BRME1: variants seen among roughly 807,000 people sequenced by gnomAD.
BRME1 encodes the protein BRCA2 and MEILB2-associating protein 1.
BRME1 carries 31 observed loss-of-function variants against 52.6 expected under a neutral mutation model. The ratio of observed to expected loss-of-function variants is 0.59; its 90% CI spans 0.44 to 0.80. BRME1 has a LOEUF of 0.80. Ranked by LOEUF, BRME1 falls within the 30% of genes least tolerant of loss-of-function variation. The pLI, the probability that BRME1 is intolerant of heterozygous loss-of-function variation, is 0.00. For missense variants in BRME1, 804 were observed against 860.3 expected, an observed-to-expected ratio of 0.93 and a Z score of 0.82; for synonymous variants, 359 against 353.6, an observed-to-expected ratio of 1.02 and a Z score of -0.17.
intron 2 of BRME1, among the ~76,000 whole-genome samples, chr19:13,896,404 T>TA (rs1269694652): frequency 6.8e-6 from 1 of 147,142 alleles, no homozygotes; most frequent in African/African-American, 2.5e-5. Flanking sequence ...ATATATTATT[T>TA]AAATTATATA....
intron 7 of BRME1, chr19:13,885,560 C>T (rs1414627069): frequency 1.2e-5 from 2 of 167,090 alleles, no homozygotes; most frequent in Non-Finnish European, 2.6e-5. Flanking sequence ...GGGTGCCCGC[C>T]TGGTGCCAGA....
At chr19:13,901,609 G>T (rs919559143) in intron 2 of BRME1, among the ~76,000 whole-genome samples, 1 of 150,708 alleles carries the variant, frequency 6.6e-6, no homozygotes, top group Non-Finnish European at 1.5e-5. Flanking sequence ...TGAGGCATGA[G>T]CATCACTTGA....
In BRME1 at chr19:13,892,801, A is replaced by G; in HGVS notation, c.378T>C (p.Ser126=). Residue 126 remains serine, a synonymous_variant, in exon 5 of 9, where the codon AGT becomes AGC. Transcript: ENST00000586783. Reference sequence around the variant, plus strand: ...AGAGCCTTACCAGGCTAAAGGCCCCACTCCCACGGTCCTCATCCTTCATCT... The same window carrying G: ...AGAGCCTTACCAGGCTAAAGGCCCCGCTCCCACGGTCCTCATCCTTCATCT... The part of the protein sequence containing the change: ...KEEMKDEDRG[S]GAFSLETIAE... 1.9e-6 allele frequency: 3 copies of G among 1,613,660 alleles called. No individual in the cohort carries two copies. Among genetic ancestry groups the G allele is most frequent in the South Asian group, 2.2e-5 (2 of 91,062 alleles).
rs1039147088 is a variant in BRME1 at position 13,883,753 on chromosome 19, C to T, written c.1764-353G>A. 6.6e-6 allele frequency among the ~76,000 whole-genome samples: 1 copy of T among 151,972 alleles called. No homozygotes were observed. Among genetic ancestry groups the T allele is most frequent in the African/African-American group, 2.4e-5 (1 of 41,372 alleles). On this transcript the variant is annotated intron_variant, in intron 7 of 8. Coordinates refer to ENST00000586783, the MANE Select transcript of BRME1 (RefSeq NM_001345843.2). The surrounding 1 kb of genome is among the most constrained non-coding windows in gnomAD (Gnocchi z 4.2). The stretch of plus-strand genomic sequence containing the variant: ...GCAGCTGTGCACCACCTGCCTGCCC[C>T]GTGCCCTCCCCTCATCCCCCGCTTC...
chr19:13,890,336 GCT>G lies in BRME1; in HGVS notation c.518_519del (p.Glu173AlafsTer19). 1 of 1,594,698 alleles carries G rather than the reference GCT, an allele frequency of 6.3e-7. No homozygotes were observed. On this transcript the variant is annotated frameshift_variant, in exon 6 of 9. Coordinates refer to ENST00000586783, the MANE Select transcript of BRME1 (RefSeq NM_001345843.2). LOFTEE classifies it high-confidence loss of function. ...DPTQADSARPEQSSQSPVQAV... is the reference protein window; with the variant it reads ...DPTQADSARPXQSSQSPVQAV... ...GCCTGCACAGGGCTCTGGCTGCTCT[GCT>G]CAGGGCGGGCACTGTCTGCCTGCGT...
intron 2 of BRME1, among the ~76,000 whole-genome samples, chr19:13,898,597 T>C (rs1970073628): frequency 6.6e-6 from 1 of 151,922 alleles, no homozygotes. Context: ...GCAACAGAGC[T>C]AGATCCTATC....
intron 5 of BRME1, among the ~76,000 whole-genome samples, chr19:13,891,135 T>TTTTTTTTTTATTATTA (rs59151567): frequency 1.7e-4 from 25 of 146,634 alleles, no homozygotes; most frequent in African/African-American, 6.4e-4. Flanking sequence ...CAATTTCCTG[T>TTTTTTTTTTATTATTA]TTATTATTAT....
rs565349133 is a variant in BRME1 at position 13,900,973 on chromosome 19, C to T, written c.31+3889G>A. ...TACAGGCATGAGCCATCGTGCCCAA[C>T]AATCTTTCTTTTTTTCTAAGAGACA... On this transcript the variant is annotated intron_variant, in intron 2 of 8. Transcript: ENST00000586783. Among the ~76,000 whole-genome samples the T allele has an allele frequency of 5.1e-4, 77 of 151,602 alleles. 2 individuals carry two copies. In the South Asian group the frequency reaches 0.015, roughly 30 times the overall value.
intron 5 of BRME1, 98 bp downstream of exon 5, chr19:13,892,688 C>T (rs1969589634): frequency 9.0e-6 from 8 of 891,652 alleles, no homozygotes; most frequent in Non-Finnish European, 1.5e-5. Context: ...GCAGGCCTCA[C>T]CATTGCCAAA....
At chr19:13,903,376 C>T (rs1040561957) in intron 2 of BRME1, among the ~76,000 whole-genome samples, 2 of 151,566 alleles carry the variant, frequency 1.3e-5, no homozygotes, top group African/African-American at 4.8e-5. Flanking sequence ...TTATGAAAAC[C>T]AAAAAAAGTC....
intron 2 of BRME1, 95 bp downstream of exon 2, chr19:13,904,767 A>T: frequency 7.6e-7 from 1 of 1,309,724 alleles, no homozygotes; most frequent in Non-Finnish European, 1.1e-6. Context: ...AAGGAGGTTA[A>T]GGCAGTCGTG....
intron 5 of BRME1, among the ~76,000 whole-genome samples, 180 bp downstream of exon 5, chr19:13,892,597 GAAAAAAAAT>G (rs1046186627): frequency 1.6e-4 from 25 of 151,692 alleles, no homozygotes; most frequent in Non-Finnish European, 2.8e-4. Flanking sequence ...TCAAAAAAAA[GAAAAAAAAT>G]AAAATAAAGA....
chr19:13,896,701 CT>C (rs527604127), intron 2 of BRME1, among the ~76,000 whole-genome samples: 2 of 148,940 alleles, frequency 1.3e-5, no homozygotes, highest in African/African-American at 2.5e-5. Flanking sequence ...TATATTTTTT[CT>C]TTTTTTAAGA....
intron 6 of BRME1, among the ~76,000 whole-genome samples, chr19:13,887,257 G>T (rs1460854544): frequency 6.6e-6 from 1 of 152,232 alleles, no homozygotes; most frequent in Non-Finnish European, 1.5e-5. Context: ...CTTCCTGCCG[G>T]GAGCCACCCG....
rs1969398280 is a variant in BRME1, at chr19:13,890,372, C to G, written c.484G>C (p.Gly162Arg). ...GCACTGTCTGCCTGCGTTGGGTCCC[C>G]CAGCTCCGTGGCCTCCTGGAGGGGG... ...GVPLQEATEL[G>R]DPTQADSARP... The change falls in exon 6 of 9, where the codon GGG becomes CGG. Residue 162 changes from glycine (G) to arginine (R), a missense_variant. This residue lies in a region of BRME1 where 234 missense variants were observed against 258.1 expected (regional missense o/e 0.91). Coordinates refer to ENST00000586783, the MANE Select transcript of BRME1 (RefSeq NM_001345843.2). The G allele has an allele frequency of 6.4e-7, 1 of 1,552,444 alleles. No homozygotes were observed.
Position 13,889,354 on chromosome 19 carries a change from C to A in BRME1, c.1502G>T (p.Gly501Val). 1 of 1,614,108 alleles carries A rather than the reference C, an allele frequency of 6.2e-7. No individual in the cohort carries two copies. The highest frequency in any genetic ancestry group is 8.5e-7 in the Non-Finnish European group (1 of 1,180,014). The change falls in exon 6 of 9, where the codon GGC becomes GTC. Residue 501 changes from glycine (G) to valine (V), a missense_variant. Gly to Val is a moderately radical substitution (Grantham distance 109). This residue lies in a region of BRME1 where 552 missense variants were observed against 561.1 expected (regional missense o/e 0.98). Coordinates refer to ENST00000586783, the MANE Select transcript of BRME1 (RefSeq NM_001345843.2). ...CAGCTCTGAGGTGGTGTCTGGAATGCCCTGCTGAGCCCCGGGCTCCTGGAG... is the reference window on the plus strand; with the variant it reads ...CAGCTCTGAGGTGGTGTCTGGAATGACCTGCTGAGCCCCGGGCTCCTGGAG... ...DPLQEPGAQQ[G>V]IPDTTSELAG... is the part of the protein sequence containing the mutation.
chr19:13,905,507 CAAA>C (rs56670938), intron 1 of BRME1, among the ~76,000 whole-genome samples: 2 of 118,900 alleles, frequency 1.7e-5, no homozygotes, highest in African/African-American at 2.9e-5. Flanking sequence ...GACTCCGTCT[CAAA>C]AAAAAAAAAA....
intron 2 of BRME1, among the ~76,000 whole-genome samples, chr19:13,903,793 C>T (rs1040102128): frequency 2.0e-5 from 3 of 152,128 alleles, no homozygotes; most frequent in Non-Finnish European, 4.4e-5. Flanking sequence ...TTTATTATCC[C>T]CAATTTACAA....
chr19:13,899,959 A>C (rs1225207502), intron 2 of BRME1, among the ~76,000 whole-genome samples: 2 of 152,122 alleles, frequency 1.3e-5, no homozygotes, highest in African/African-American at 4.8e-5. Flanking sequence ...CCAAGACTGC[A>C]CCACTGCACT....
Sources: allele counts gnomAD v4.1 joint callset (sites outside exome capture counted in the v4.1 genomes callset), GRCh38; gene constraint gnomAD v4.1.1; regional missense constraint gnomAD v4.1.1; non-coding constraint Gnocchi (gnomAD v3.1); transcripts MANE v1.5; gene names NCBI Gene and HGNC (gene_info 2026-07-23, HGNC 2026-07-21).